CDH18: variants seen among roughly 807,000 people sequenced by gnomAD.
The protein encoded by CDH18 is cadherin 18.
Under a neutral mutation model 67.9 loss-of-function variants are expected in CDH18, and 31 were observed. The observed-to-expected ratio is 0.46, with a 90% CI of 0.34 to 0.62. The LOEUF (loss-of-function observed/expected upper bound fraction) is 0.62, where lower values mean the gene tolerates loss of function less well. Among genes scored for constraint, CDH18 ranks in the 20% least tolerant of loss-of-function variants. The probability of loss-of-function intolerance (pLI) is 0.01; values close to 1 mark genes in which losing one functional copy is unlikely to be tolerated. For synonymous variants in CDH18, 362 were observed against 347.2 expected, an observed-to-expected ratio of 1.04 and a Z score of -0.48; for missense variants, 890 against 975.5, an observed-to-expected ratio of 0.91 and a Z score of 1.17.
chr5:19,489,832 T>C (rs1741100052), intron 11 of CDH18, among the ~76,000 whole-genome samples: 1 of 152,176 alleles, frequency 6.6e-6, no homozygotes, highest in Non-Finnish European at 1.5e-5. Flanking sequence ...TGCTTATGAA[T>C]AACACACAAA....
At chr5:19,881,500 C>A (rs10071091) in intron 2 of CDH18, among the ~76,000 whole-genome samples, 5 of 149,054 alleles carry the variant, frequency 3.4e-5, no homozygotes, top group Non-Finnish European at 7.4e-5. Flanking sequence ...CCCAGCTCTT[C>A]AAGTGCTTTT....
intron 2 of CDH18, among the ~76,000 whole-genome samples, chr5:19,935,159 A>G (rs1794100606): frequency 6.6e-6 from 1 of 151,316 alleles, no homozygotes; most frequent in Non-Finnish European, 1.5e-5. Context: ...AAGGACCCTT[A>G]CAGTTCATTA....
chr5:20,297,266 G>C (rs998766663), intron 1 of CDH18, among the ~76,000 whole-genome samples: 3 of 152,102 alleles, frequency 2.0e-5, no homozygotes. Context: ...GCTGCATATA[G>C]TCATAGCAGC....
chr5:20,236,945 C>T (rs1742518932), intron 2 of CDH18, among the ~76,000 whole-genome samples: 1 of 151,822 alleles, frequency 6.6e-6, no homozygotes, highest in Non-Finnish European at 1.5e-5. Flanking sequence ...AATCCTATAG[C>T]TCTTACAAAC....
chr5:20,322,394 A>G (rs1228079965), intron 1 of CDH18, among the ~76,000 whole-genome samples: 3 of 152,128 alleles, frequency 2.0e-5, no homozygotes, highest in Admixed American at 6.5e-5. Context: ...ATGTCATTGT[A>G]TATAATTTAA....
chr5:20,012,446 A>G (rs897150144), intron 2 of CDH18, among the ~76,000 whole-genome samples: 3 of 150,442 alleles, frequency 2.0e-5, no homozygotes, highest in Non-Finnish European at 4.4e-5. Flanking sequence ...TGTCTCCTTC[A>G]GTTCAGTAGC....
intron 1 of CDH18, among the ~76,000 whole-genome samples, chr5:20,498,261 C>T (rs75661258): frequency 0.019 from 2,883 of 152,164 alleles, 29 homozygotes; most frequent in Non-Finnish European, 0.029. Flanking sequence ...TAGTAATTCT[C>T]TCTTCCTCTT....
At chr5:19,837,804 A>T (rs544314784) in intron 3 of CDH18, among the ~76,000 whole-genome samples, 1 of 111,184 alleles carries the variant, frequency 9.0e-6, no homozygotes, top group Admixed American at 9.3e-5. Flanking sequence ...ATAAATCATC[A>T]ATCGGGGGAT....
At chr5:20,408,475 T>C (rs1054152354) in intron 1 of CDH18, among the ~76,000 whole-genome samples, 1 of 151,902 alleles carries the variant, frequency 6.6e-6, no homozygotes, top group Non-Finnish European at 1.5e-5. Context: ...AGAAGTAAAA[T>C]ATAGAATTTG....
chr5:20,296,732 A>C (rs2149956833), intron 1 of CDH18, among the ~76,000 whole-genome samples: 1 of 151,930 alleles, frequency 6.6e-6, no homozygotes, highest in South Asian at 2.1e-4. Context: ...TATTAAATGT[A>C]ATTAAAATTT....
intron 1 of CDH18, among the ~76,000 whole-genome samples, chr5:20,483,671 A>T (rs969612536): frequency 6.6e-6 from 1 of 151,784 alleles, no homozygotes; most frequent in Non-Finnish European, 1.5e-5. Context: ...AAAAACATAC[A>T]TTGGGAAAAG....
At chr5:20,399,746 A>AT (rs1261007162) in intron 1 of CDH18, among the ~76,000 whole-genome samples, 3 of 152,204 alleles carry the variant, frequency 2.0e-5, no homozygotes, top group Non-Finnish European at 1.5e-5. Flanking sequence ...CCTTACACAC[A>AT]TTTTTAATTA....
intron 9 of CDH18, among the ~76,000 whole-genome samples, chr5:19,532,048 A>G (rs1748700293): frequency 6.6e-6 from 1 of 152,230 alleles, no homozygotes; most frequent in Non-Finnish European, 1.5e-5. Flanking sequence ...TACTTTACAC[A>G]TTAAAATGGT....
chr5:19,518,180 T>G (rs1247570506), intron 10 of CDH18, among the ~76,000 whole-genome samples: 1 of 152,042 alleles, frequency 6.6e-6, no homozygotes, highest in Non-Finnish European at 1.5e-5. Flanking sequence ...ATAATAATCT[T>G]AATATTTTAA....
At chr5:20,282,677 CT>C (rs1467123954) in intron 1 of CDH18, among the ~76,000 whole-genome samples, 3 of 151,996 alleles carry the variant, frequency 2.0e-5, no homozygotes, top group South Asian at 4.1e-4. Context: ...CTAAAATTCT[CT>C]TTTTTTGCTG....
intron 1 of CDH18, among the ~76,000 whole-genome samples, chr5:20,294,423 G>T: frequency 6.6e-6 from 1 of 152,140 alleles, no homozygotes; most frequent in East Asian, 1.9e-4. Flanking sequence ...GCGATTGGTG[G>T]GTTTTCATTT....
chr5:20,224,904 T>C (rs986964352), intron 2 of CDH18, among the ~76,000 whole-genome samples: 2 of 152,076 alleles, frequency 1.3e-5, no homozygotes, highest in Non-Finnish European at 2.9e-5. Context: ...TTAATATCCA[T>C]ACTCTTTCTC....
intron 3 of CDH18, among the ~76,000 whole-genome samples, chr5:19,783,878 T>C (rs1276658880): frequency 1.3e-5 from 2 of 152,166 alleles, no homozygotes; most frequent in East Asian, 1.9e-4. Flanking sequence ...CTACACACTT[T>C]AAATTATATT....
chr5:19,653,149 TAC>T (rs1755818844), intron 5 of CDH18, among the ~76,000 whole-genome samples: 1 of 151,948 alleles, frequency 6.6e-6, no homozygotes, highest in Non-Finnish European at 1.5e-5. Flanking sequence ...TTTTTGCCTT[TAC>T]TTTTAAATGG....
Sources: allele counts gnomAD v4.1 joint callset (sites outside exome capture counted in the v4.1 genomes callset), GRCh38; gene constraint gnomAD v4.1.1; transcripts MANE v1.5; gene names NCBI Gene and HGNC (gene_info 2026-07-23, HGNC 2026-07-21).